The following YWHAE variants were observed in gnomAD, a reference collection of about 807,000 sequenced individuals.
YWHAE encodes the protein 14-3-3 protein epsilon.
YWHAE carries 4 observed loss-of-function variants against 30.1 expected under a neutral mutation model. That is an observed-to-expected ratio of 0.13 (90% CI 0.07 to 0.30). The LOEUF (loss-of-function observed/expected upper bound fraction) is 0.30. YWHAE is among the 10% of genes least tolerant of loss of function. YWHAE has a pLI of 1.00. For missense variants in YWHAE, 121 were observed against 315.9 expected, an observed-to-expected ratio of 0.38 and a Z score of 4.68; for synonymous variants, 118 against 111.8, an observed-to-expected ratio of 1.06 and a Z score of -0.35.
rs1312945815 is a variant in YWHAE, at chr17:1,354,455, C to T, written c.579-108G>A. ...TTCAGTTATTCCAGTTTGTAATAGT[C>T]ACAATGATAATGCAAAGAAAAAGCA... On this transcript the variant is annotated intron_variant, in intron 4 of 5. Transcript: ENST00000264335. The T allele has an allele frequency of 4.4e-6, 5 of 1,126,988 alleles. No homozygotes were observed. The East Asian group carries it at 1.2e-4, about 28-fold the overall frequency. The allele number at this position is 1,126,988 out of a possible 1,614,324, so 69.8% of individuals were successfully genotyped here. A position where few individuals can be genotyped will look rare whatever the true frequency, so the allele number is the denominator to read the frequency against.
intron 1 of YWHAE, among the ~76,000 whole-genome samples, chr17:1,386,157 T>A (rs184371315): frequency 6.6e-6 from 1 of 152,238 alleles, no homozygotes; most frequent in Admixed American, 6.5e-5. Context: ...AAACAGTAGA[T>A]GATATTATTA....
At chr17:1,374,319 GA>G (rs112933389) in intron 1 of YWHAE, among the ~76,000 whole-genome samples, 103,730 of 145,630 alleles carry the variant, frequency 0.71, 37,447 homozygotes, top group African/African-American at 0.88. Context: ...TTGGTCTCAG[GA>G]AAAAAAAAAA....
chr17:1,345,290 A>G lies in YWHAE; in HGVS notation c.*157T>C. On this transcript the variant is annotated 3_prime_UTR_variant, in exon 6 of 6. Coordinates refer to ENST00000264335, the MANE Select transcript of YWHAE (RefSeq NM_006761.5). ...CTTTAAGAACTTTTGAAAACTGTTT[A>G]AAAAAAAAAAAAAAAAACCAACAGG... 3 of 200,750 alleles carry G rather than the reference A, an allele frequency of 1.5e-5. No individual in the cohort carries two copies. The highest frequency in any genetic ancestry group is 1.2e-3 in the Middle Eastern group (1 of 808). The allele number at this position is 200,750 out of a possible 1,614,324, so 12.4% of individuals were successfully genotyped here. A position where few individuals can be genotyped will look rare whatever the true frequency, so the allele number is the denominator to read the frequency against.
At chr17:1,347,965 G>A in intron 5 of YWHAE, 1 of 850,682 alleles carries the variant, frequency 1.2e-6, no homozygotes, top group Non-Finnish European at 1.4e-6. Context: ...GACTTACAAA[G>A]TAGAGTTTTT....
intron 5 of YWHAE, among the ~76,000 whole-genome samples, chr17:1,352,952 T>C (rs890793831): frequency 6.6e-6 from 1 of 152,200 alleles, no homozygotes; most frequent in African/African-American, 2.4e-5. Context: ...CACTAATTTG[T>C]CCTCTTCTCC....
At chr17:1,370,028 A>G (rs7214541) in intron 1 of YWHAE, among the ~76,000 whole-genome samples, 54,767 of 151,742 alleles carry the variant, frequency 0.36, 10,588 homozygotes, top group Admixed American at 0.53. Context: ...TGGCAAGACA[A>G]TGAAGTCTGC....
At chr17:1,345,998 G>A (rs1749616752) in intron 5 of YWHAE, among the ~76,000 whole-genome samples, 1 of 149,088 alleles carries the variant, frequency 6.7e-6, no homozygotes, top group African/African-American at 2.4e-5. Context: ...GTGGGGTTCT[G>A]CTGTTATAAA....
At chr17:1,353,450 AG>A (rs755679696) in intron 5 of YWHAE, among the ~76,000 whole-genome samples, 1,917 of 111,282 alleles carry the variant, frequency 0.017, 20 homozygotes, top group Non-Finnish European at 0.026. Flanking sequence ...AAAAAAAAAA[AG>A]AAAAGAAAAG....
chr17:1,394,229 G>A (rs939771630), intron 1 of YWHAE, among the ~76,000 whole-genome samples: 7 of 151,988 alleles, frequency 4.6e-5, no homozygotes, highest in South Asian at 2.1e-4. Context: ...TGGGAGTAAC[G>A]CTCTACCTGC....
At chr17:1,399,990 T>C (rs1381497349) in intron 1 of YWHAE, 57 bp downstream of exon 1, 1 of 1,604,262 alleles carries the variant, frequency 6.2e-7, no homozygotes, top group African/African-American at 1.3e-5. Context: ...TCCCGGCCTC[T>C]GTGGGCGGCG....
At chr17:1,351,236 A>C (rs1389037919) in intron 5 of YWHAE, among the ~76,000 whole-genome samples, 1 of 151,530 alleles carries the variant, frequency 6.6e-6, no homozygotes, top group Non-Finnish European at 1.5e-5. Context: ...GGTGGCAGAC[A>C]CCTGTAGTCC....
chr17:1,346,958 T>A (rs1598218739), intron 5 of YWHAE, among the ~76,000 whole-genome samples: 1 of 136,420 alleles, frequency 7.3e-6, no homozygotes, highest in African/African-American at 2.8e-5. Flanking sequence ...GCCACTACAC[T>A]CCAGCCTGGG....
At chr17:1,380,111 CT>C (rs34413137) in intron 1 of YWHAE, among the ~76,000 whole-genome samples, 5,587 of 121,812 alleles carry the variant, frequency 0.046, 99 homozygotes, top group South Asian at 0.059. Context: ...GAAGACTAGA[CT>C]TTTTTTTTTT....
At chr17:1,374,319 GAAA>G (rs112933389) in intron 1 of YWHAE, among the ~76,000 whole-genome samples, 1 of 145,782 alleles carries the variant, frequency 6.9e-6, no homozygotes, top group African/African-American at 2.5e-5. Flanking sequence ...TTGGTCTCAG[GAAA>G]AAAAAAAAAA....
chr17:1,367,518 C>T (rs2072963283), intron 1 of YWHAE, among the ~76,000 whole-genome samples: 1 of 152,112 alleles, frequency 6.6e-6, no homozygotes, highest in Admixed American at 6.6e-5. Flanking sequence ...TGCTTGACCC[C>T]AGGAATTCAG....
intron 1 of YWHAE, among the ~76,000 whole-genome samples, chr17:1,387,193 A>C (rs2073312592): frequency 6.6e-6 from 1 of 152,254 alleles, no homozygotes; most frequent in Non-Finnish European, 1.5e-5. Flanking sequence ...CAAAGATTAA[A>C]AAACAAAAAT....
At chr17:1,365,127 G>T in intron 1 of YWHAE, 69 bp from the exon 2 acceptor site, 1 of 1,484,106 alleles carries the variant, frequency 6.7e-7, no homozygotes, top group African/African-American at 1.4e-5. Context: ...TTTCAAAGTA[G>T]TTTTTTTCTG....
At chr17:1,368,796 T>C (rs2072985459) in intron 1 of YWHAE, among the ~76,000 whole-genome samples, 2 of 152,224 alleles carry the variant, frequency 1.3e-5, no homozygotes, top group African/African-American at 2.4e-5. Flanking sequence ...TTAAACTTTC[T>C]AAACTGATCG....
intron 2 of YWHAE, among the ~76,000 whole-genome samples, chr17:1,364,531 A>C (rs1487905645): frequency 6.6e-6 from 1 of 152,034 alleles, no homozygotes; most frequent in Non-Finnish European, 1.5e-5. Context: ...TGGCCAACCC[A>C]CCATATTTTT....
Sources: gnomAD v4.1 joint callset for allele counts (sites outside exome capture counted in the v4.1 genomes callset) on GRCh38, gnomAD v4.1.1 for gene constraint, MANE v1.5 for transcripts, NCBI Gene and HGNC (gene_info 2026-07-23, HGNC 2026-07-21) for gene names.